PCSK5: variants seen among roughly 807,000 people sequenced by gnomAD.
PCSK5 encodes the protein proprotein convertase subtilisin/kexin type 5.
In PCSK5, 129 loss-of-function variants were observed where a neutral mutation model predicts 233.2. The observed-to-expected ratio is 0.55, with a 90% CI of 0.48 to 0.64. The LOEUF is 0.64. Among genes scored for constraint, PCSK5 ranks in the 30% least tolerant of loss-of-function variants. The pLI, the probability that PCSK5 is intolerant of heterozygous loss-of-function variation, is 0.00. For synonymous variants in PCSK5, 825 were observed against 879.2 expected, an observed-to-expected ratio of 0.94 and a Z score of 1.09; for missense variants, 2,076 against 2,430.1, an observed-to-expected ratio of 0.85 and a Z score of 3.06.
chr9:76,201,895 G>A (rs972815454), intron 20 of PCSK5, among the ~76,000 whole-genome samples: 1 of 152,142 alleles, frequency 6.6e-6, no homozygotes, highest in Non-Finnish European at 1.5e-5. Flanking sequence ...AACATTAGAA[G>A]AAACATTAGC....
At chr9:76,282,014 G>C (rs544649986) in intron 24 of PCSK5, among the ~76,000 whole-genome samples, 10 of 150,956 alleles carry the variant, frequency 6.6e-5, no homozygotes, top group African/African-American at 2.2e-4. Context: ...TGATGTATCT[G>C]GGCAATGTAA....
intron 5 of PCSK5, among the ~76,000 whole-genome samples, chr9:76,029,644 G>T (rs1054898726): frequency 6.6e-6 from 1 of 152,130 alleles, no homozygotes; most frequent in African/African-American, 2.4e-5. Context: ...TTAAAGCCAA[G>T]CCCAGCCATG....
chr9:76,042,837 A>G (rs948357470), intron 5 of PCSK5, among the ~76,000 whole-genome samples: 1 of 152,202 alleles, frequency 6.6e-6, no homozygotes, highest in Non-Finnish European at 1.5e-5. Context: ...GTTCCTTGAG[A>G]TGTTTTTAAT....
chr9:76,296,919 C>T, intron 27 of PCSK5, 54 bp downstream of exon 27: 1 of 1,153,572 alleles, frequency 8.7e-7, no homozygotes, highest in South Asian at 1.2e-5. Flanking sequence ...ACTCTGCTTC[C>T]CTCCTTCTAT....
chr9:76,107,747 A>G (rs1832038468), intron 9 of PCSK5, among the ~76,000 whole-genome samples: 2 of 152,214 alleles, frequency 1.3e-5, no homozygotes, highest in African/African-American at 2.4e-5. Context: ...TTCCACGACA[A>G]TAGCACAGTC....
intron 9 of PCSK5, among the ~76,000 whole-genome samples, chr9:76,111,139 G>A (rs1378779220): frequency 1.3e-5 from 2 of 152,060 alleles, no homozygotes; most frequent in Admixed American, 1.3e-4. Context: ...AAAGAAAAAA[G>A]AGAAATAACT....
intron 1 of PCSK5, among the ~76,000 whole-genome samples, chr9:75,911,819 A>C (rs1430528038): frequency 6.6e-6 from 1 of 152,202 alleles, no homozygotes; most frequent in East Asian, 1.9e-4. Flanking sequence ...GTATCCCAGC[A>C]GCTTGAGAGA....
intron 9 of PCSK5, among the ~76,000 whole-genome samples, chr9:76,120,913 GA>G (rs936563114): frequency 6.6e-6 from 1 of 152,000 alleles, no homozygotes; most frequent in Non-Finnish European, 1.5e-5. Flanking sequence ...TTTTTCATCT[GA>G]AATTTGGGTC....
intron 5 of PCSK5, among the ~76,000 whole-genome samples, chr9:76,043,625 A>T (rs1405273813): frequency 6.6e-6 from 1 of 152,224 alleles, no homozygotes; most frequent in Non-Finnish European, 1.5e-5. Flanking sequence ...GTGTTCACTA[A>T]GAAATTTTAG....
chr9:75,908,927 CTATCTCTCTCTCTGTCTA>C (rs1564074873), intron 1 of PCSK5, among the ~76,000 whole-genome samples: 22 of 104,370 alleles, frequency 2.1e-4, no homozygotes, highest in South Asian at 1.1e-3. Context: ...ATCTATCTCT[CTATCTCTCTCTCTGTCTA>C]TCTATCTATC....
intron 20 of PCSK5, among the ~76,000 whole-genome samples, chr9:76,210,319 A>C (rs1665096910): frequency 1.3e-5 from 2 of 152,208 alleles, no homozygotes; most frequent in Non-Finnish European, 2.9e-5. Flanking sequence ...CCCACTGATG[A>C]GGCAATGTAG....
At chr9:76,129,474 C>A (rs1287060146) in intron 9 of PCSK5, among the ~76,000 whole-genome samples, 2 of 152,104 alleles carry the variant, frequency 1.3e-5, no homozygotes, top group Non-Finnish European at 2.9e-5. Context: ...AATTCTCTTT[C>A]TGTAATAAGA....
chr9:76,331,699 CAG>C (rs959390855), intron 33 of PCSK5, among the ~76,000 whole-genome samples: 7 of 150,518 alleles, frequency 4.7e-5, no homozygotes, highest in Non-Finnish European at 8.8e-5. Flanking sequence ...GCCAGGGGAT[CAG>C]AGTCAGTAAT....
chr9:76,064,090 A>T (rs1830150180), intron 5 of PCSK5, among the ~76,000 whole-genome samples: 1 of 115,258 alleles, frequency 8.7e-6, no homozygotes, highest in African/African-American at 4.1e-5. Context: ...AGCTGGGCAG[A>T]GGCGCCCCTC....
At position 76,169,789 on chromosome 9, in the gene PCSK5, G is replaced by A; in HGVS notation, c.1705G>A (p.Val569Ile). Residue 569 changes from valine (V) to isoleucine (I), a missense_variant, in exon 13 of 38, where the codon GTC (valine) becomes ATC (isoleucine). By Grantham distance (29) the Val-to-Ile change is conservative. Coordinates refer to ENST00000674117, the MANE Select transcript of PCSK5 (RefSeq NM_001372043.1). ...GGGAGAAAGAGCTGCTGGTGACTGG[G>A]TCCTTGAAGTTTATGATACTCCCTC... is the stretch of plus-strand genomic sequence containing the variant. ...CWGERAAGDWVLEVYDTPSQL... is the reference protein window; with the variant it reads ...CWGERAAGDWILEVYDTPSQL... 6.2e-7 allele frequency: 1 copy of A among 1,613,692 alleles called. No individual in the cohort carries two copies. The highest frequency in any genetic ancestry group is 8.5e-7 in the Non-Finnish European group (1 of 1,179,676).
chr9:75,956,405 A>C (rs1000262010), intron 2 of PCSK5, among the ~76,000 whole-genome samples: 4 of 152,228 alleles, frequency 2.6e-5, no homozygotes, highest in Admixed American at 2.0e-4. Context: ...GTCAACTACT[A>C]AACTAGGCAA....
At chr9:75,912,976 TCTTA>T (rs1166084873) in intron 1 of PCSK5, among the ~76,000 whole-genome samples, 1 of 152,200 alleles carries the variant, frequency 6.6e-6, no homozygotes, top group Non-Finnish European at 1.5e-5. Context: ...TTGGAACTCT[TCTTA>T]CTTAACCTTT....
At chr9:75,978,869 C>CTTTTTTTTTTTTTT (rs5898441) in intron 2 of PCSK5, among the ~76,000 whole-genome samples, 1 of 128,044 alleles carries the variant, frequency 7.8e-6, no homozygotes, top group Non-Finnish European at 1.6e-5. Context: ...GAATGTTTCC[C>CTTTTTTTTTTTTTT]TTTTTTTTTT....
rs71372050 is a variant in PCSK5, at chr9:76,122,827, C to CT, written c.1209-11266dup. Among the ~76,000 whole-genome samples, 619 of 127,042 alleles carry CT rather than the reference C, an allele frequency of 4.9e-3. 2 individuals are homozygous for CT. Among genetic ancestry groups the CT allele is most frequent in the East Asian group, 0.016 (74 of 4,574 alleles). The allele number at this position is 127,042 out of a possible 152,430, so 83.3% of individuals were successfully genotyped here. On this transcript the variant is annotated intron_variant, in intron 9 of 37. Transcript: ENST00000674117. ...GTTACTTATTTTTTCTTTTTTTTTTCTTTTTTTTTTTTTTTTAATTGAGAC... is the reference window on the plus strand; with the variant it reads ...GTTACTTATTTTTTCTTTTTTTTTTCTTTTTTTTTTTTTTTTTAATTGAGAC...
Sources: gnomAD v4.1 joint callset for allele counts (sites outside exome capture counted in the v4.1 genomes callset) on GRCh38, gnomAD v4.1.1 for gene constraint, MANE v1.5 for transcripts, NCBI Gene and HGNC (gene_info 2026-07-23, HGNC 2026-07-21) for gene names.